The following PCBD2 variants were observed in gnomAD, a reference collection of about 807,000 sequenced individuals.
PCBD2 encodes the protein pterin-4 alpha-carbinolamine dehydratase 2.
PCBD2 carries 12 observed loss-of-function variants against 16.4 expected under a neutral mutation model. That is an observed-to-expected ratio of 0.73 (90% CI 0.47 to 1.19). PCBD2 has a LOEUF of 1.19. Among genes scored for constraint, PCBD2 ranks in the 50% most tolerant of loss-of-function variants. PCBD2 has a pLI of 0.00. For synonymous variants in PCBD2, 58 were observed against 61.8 expected, an observed-to-expected ratio of 0.94 and a Z score of 0.29; for missense variants, 138 against 156.8, an observed-to-expected ratio of 0.88 and a Z score of 0.64.
At chr5:134,945,799 A>G (rs1580891849) in intron 2 of PCBD2, among the ~76,000 whole-genome samples, 1 of 152,280 alleles carries the variant, frequency 6.6e-6, no homozygotes, top group East Asian at 1.9e-4. Context: ...AGCACTGTGC[A>G]TTTTTGTGAG....
At chr5:134,919,783 T>A (rs1750880398) in intron 2 of PCBD2, among the ~76,000 whole-genome samples, 1 of 152,222 alleles carries the variant, frequency 6.6e-6, no homozygotes, top group African/African-American at 2.4e-5. Context: ...TTGGTCTTGC[T>A]CATTTCTGTT....
In PCBD2 at chr5:134,958,965, G is replaced by T. The variant is rs1751443332; in HGVS notation, c.217-75G>T. ...ATCCTTGCCTGCCTTTATGTGGTTG[G>T]ATTGCTCTGTTGTGTCTCTCAGGCT... On this transcript the variant is annotated intron_variant, in intron 2 of 3. Coordinates refer to ENST00000254908, the MANE Select transcript of PCBD2 (RefSeq NM_032151.5). 3.5e-6 allele frequency: 4 copies of T among 1,151,366 alleles called. No individual in the cohort carries two copies. In the East Asian group the frequency reaches 7.2e-5, roughly 21 times the overall value. The allele number at this position is 1,151,366 out of a possible 1,614,324, so 71.3% of individuals were successfully genotyped here. A position where few individuals can be genotyped will look rare whatever the true frequency, so the allele number is the denominator to read the frequency against.
In PCBD2 at chr5:134,905,194, C is replaced by G. The variant is rs1021584298; in HGVS notation, c.55C>G (p.Arg19Gly). The change falls in exon 1 of 4, where the codon CGA (arginine) becomes GGA (glycine). Residue 19 changes from arginine (R) to glycine (G), a missense_variant. Transcript: ENST00000254908. ...GACGCGGCGCTTGTTGGCGGCGCTG[C>G]GAGGCCAGAGCCTAGGGCTAGCGGC... is the stretch of plus-strand genomic sequence containing the variant. ...GATRRLLAAL[R>G]GQSLGLAAMS... is the part of the protein sequence containing the mutation. The G allele has an allele frequency of 2.5e-6, 3 of 1,223,986 alleles. No homozygotes were observed. Among genetic ancestry groups the G allele is most frequent in the South Asian group, 8.2e-5 (2 of 24,280 alleles). The allele number at this position is 1,223,986 out of a possible 1,614,324, so 75.8% of individuals were successfully genotyped here. A position where few individuals can be genotyped will look rare whatever the true frequency, so the allele number is the denominator to read the frequency against.
chr5:134,957,105 C>T (rs1580895685), intron 2 of PCBD2, among the ~76,000 whole-genome samples: 1 of 151,954 alleles, frequency 6.6e-6, no homozygotes, highest in Non-Finnish European at 1.5e-5. Flanking sequence ...TCTGCTAAAA[C>T]TACAAAAATT....
At chr5:134,926,378 TA>T (rs1039873801) in intron 2 of PCBD2, 3 of 382,492 alleles carry the variant, frequency 7.8e-6, no homozygotes, top group African/African-American at 2.1e-5. Context: ...GAGTTTTTTT[TA>T]TTAGGGTTAA....
At chr5:134,929,930 A>G (rs1751072061) in intron 2 of PCBD2, among the ~76,000 whole-genome samples, 1 of 152,148 alleles carries the variant, frequency 6.6e-6, no homozygotes. Flanking sequence ...CCTGACCTCA[A>G]CAGTCCTCCC....
chr5:134,914,565 A>G (rs1750804933), intron 2 of PCBD2, among the ~76,000 whole-genome samples: 1 of 152,158 alleles, frequency 6.6e-6, no homozygotes, highest in Non-Finnish European at 1.5e-5. Flanking sequence ...GGACAAGGGA[A>G]AAAAGGGAGG....
At chr5:134,919,483 A>G (rs2149531689) in intron 2 of PCBD2, among the ~76,000 whole-genome samples, 1 of 152,352 alleles carries the variant, frequency 6.6e-6, no homozygotes, top group Admixed American at 6.5e-5. Context: ...CAGTGACATA[A>G]ATTTCATTTA....
rs1364066733 is a variant in PCBD2, at chr5:134,962,064, A to G, written c.*1383A>G. Among the ~76,000 whole-genome samples, 2 of 140,954 alleles carry G rather than the reference A, an allele frequency of 1.4e-5. No individual in the cohort carries two copies. The highest frequency in any genetic ancestry group is 2.2e-4 in the South Asian group (1 of 4,482). The allele number at this position is 140,954 out of a possible 152,430, so 92.5% of individuals were successfully genotyped here. A position where few individuals can be genotyped will look rare whatever the true frequency, so the allele number is the denominator to read the frequency against. On this transcript the variant is annotated 3_prime_UTR_variant, in exon 4 of 4. Coordinates refer to ENST00000254908, the MANE Select transcript of PCBD2 (RefSeq NM_032151.5). ...GTGTGAGCCATTGCCCCCAGCCAGT[A>G]TAACAGTTTGTGTGTGTGTGTGTGT...
At position 134,915,436 on chromosome 5, in the gene PCBD2, A is replaced by ATTT. The variant is rs760173801; in HGVS notation, c.216+4996_216+4998dup. On this transcript the variant is annotated intron_variant, in intron 2 of 3. Transcript: ENST00000254908. ...TCTATTAAAGCCTGATGGGCCTCTA[A>ATTT]TTTTTTTTTTTTTTTTTTTTTTTTT... 1.7e-3 allele frequency among the ~76,000 whole-genome samples: 199 copies of ATTT among 114,206 alleles called. 13 individuals carry two copies. The highest frequency in any genetic ancestry group is 6.3e-3 in the African/African-American group (180 of 28,580). The allele number at this position is 114,206 out of a possible 152,430, so 74.9% of individuals were successfully genotyped here. A position where few individuals can be genotyped will look rare whatever the true frequency, so the allele number is the denominator to read the frequency against.
chr5:134,927,244 A>G (rs1751019473), intron 2 of PCBD2: 2 of 398,342 alleles, frequency 5.0e-6, no homozygotes, highest in Non-Finnish European at 4.4e-6. Context: ...CCTCACAGGG[A>G]TAGTACAAGG....
Position 134,946,600 on chromosome 5 carries a change from T to C in PCBD2, c.217-12440T>C, listed in dbSNP as rs200782065. Among the ~76,000 whole-genome samples the C allele has an allele frequency of 9.8e-5, 15 of 152,340 alleles. No individual in the cohort carries two copies. In the East Asian group the frequency reaches 2.5e-3, roughly 25 times the overall value. ...AAAAGAAAGGATAAACATGATTTCA[T>C]TGATGGTGTGCAACTGCTTTAGAAC... On this transcript the variant is annotated intron_variant, in intron 2 of 3. Transcript: ENST00000254908.
chr5:134,941,189 A>C (rs1225701868), intron 2 of PCBD2, among the ~76,000 whole-genome samples: 1 of 151,380 alleles, frequency 6.6e-6, no homozygotes, highest in African/African-American at 2.4e-5. Flanking sequence ...CACAGCACAC[A>C]CTGCCTGCAC....
At chr5:134,908,171 C>T (rs1375323057) in intron 1 of PCBD2, among the ~76,000 whole-genome samples, 1 of 151,314 alleles carries the variant, frequency 6.6e-6, no homozygotes, top group African/African-American at 2.4e-5. Flanking sequence ...ATCCTCCCAC[C>T]TCAGCTTCCC....
At chr5:134,923,681 A>T in intron 2 of PCBD2, 1 of 379,934 alleles carries the variant, frequency 2.6e-6, no homozygotes, top group Admixed American at 4.5e-5. Flanking sequence ...CTGTTGCTAT[A>T]GTTGTAAGTA....
rs1254352064 is a variant in PCBD2 at position 134,962,490 on chromosome 5, T to C, written c.*1809T>C. Among the ~76,000 whole-genome samples, 2 of 152,184 alleles carry C rather than the reference T, an allele frequency of 1.3e-5. No homozygotes were observed. The highest frequency in any genetic ancestry group is 6.5e-5 in the Admixed American group (1 of 15,280). On this transcript the variant is annotated 3_prime_UTR_variant, in exon 4 of 4. Coordinates refer to ENST00000254908, the MANE Select transcript of PCBD2 (RefSeq NM_032151.5). ...CTGGTCTTGAATGCCTGGGCTCAAA[T>C]GATCTTCCTGCCTTGACCCCCCAAA...
intron 2 of PCBD2, among the ~76,000 whole-genome samples, chr5:134,920,106 G>T (rs1045026041): frequency 3.9e-5 from 6 of 152,222 alleles, no homozygotes; most frequent in South Asian, 2.1e-4. Context: ...TCCATGTTTT[G>T]CTCTTTTTCT....
Position 134,961,961 on chromosome 5 carries a change from A to G in PCBD2, c.*1280A>G, listed in dbSNP as rs1181416558. On this transcript the variant is annotated 3_prime_UTR_variant, in exon 4 of 4. Coordinates refer to ENST00000254908, the MANE Select transcript of PCBD2 (RefSeq NM_032151.5). ...ATTTTTTGTAGAGATGGGGTCTCCC[A>G]TCTTGCCCAGGCTGGCCTTGAACTC... Among the ~76,000 whole-genome samples, 1 of 151,952 alleles carries G rather than the reference A, an allele frequency of 6.6e-6. No homozygotes were observed. Among genetic ancestry groups the G allele is most frequent in the Non-Finnish European group, 1.5e-5 (1 of 67,988 alleles).
In PCBD2 at chr5:134,956,761, G is replaced by C. The variant is rs77709761; in HGVS notation, c.217-2279G>C. ...AGCAACTAGAATCTTAGATTCTCAA[G>C]CCCATGGAGAGCTTTTCACCACTCA... On this transcript the variant is annotated intron_variant, in intron 2 of 3. Coordinates refer to ENST00000254908, the MANE Select transcript of PCBD2 (RefSeq NM_032151.5). Among the ~76,000 whole-genome samples, 1,234 of 152,282 alleles carry C rather than the reference G, an allele frequency of 8.1e-3. 9 individuals are homozygous for C. The highest frequency in any genetic ancestry group is 0.038 in the Middle Eastern group (11 of 292).
Sources: gnomAD v4.1 joint callset for allele counts (sites outside exome capture counted in the v4.1 genomes callset) on GRCh38, gnomAD v4.1.1 for gene constraint, MANE v1.5 for transcripts, NCBI Gene and HGNC (gene_info 2026-07-23, HGNC 2026-07-21) for gene names.